The following ITPRID1 variants were observed in gnomAD, a reference collection of about 807,000 sequenced individuals.
The protein encoded by ITPRID1 is protein ITPRID1.
In ITPRID1, 96 loss-of-function variants were observed where a neutral mutation model predicts 95.4. The observed-to-expected ratio is 1.01, with a 90% confidence interval of 0.85 to 1.19. ITPRID1 has a LOEUF of 1.19. Among genes scored for constraint, ITPRID1 ranks in the 50% most tolerant of loss-of-function variants. The pLI is 0.00. For synonymous variants in ITPRID1, 510 were observed against 453.6 expected (o/e 1.12, Z -1.58); for missense variants, 1,339 against 1,252.9 (o/e 1.07, Z -1.04).
intron 10 of ITPRID1, among the ~76,000 whole-genome samples, chr7:31,590,005 G>A (rs1785791817): frequency 1.3e-5 from 2 of 152,032 alleles, no homozygotes; most frequent in African/African-American, 4.8e-5. Flanking sequence ...CAAAAAATGA[G>A]AGGTATAGCA....
intron 12 of ITPRID1, among the ~76,000 whole-genome samples, chr7:31,647,673 CAAAAAAA>C (rs11345351): frequency 4.3e-5 from 3 of 69,358 alleles, no homozygotes; most frequent in Non-Finnish European, 5.5e-5. Flanking sequence ...GTCTCCGTCT[CAAAAAAA>C]AAAAAAAAAA....
At chr7:31,576,313 A>G (rs1785181031) in intron 8 of ITPRID1, among the ~76,000 whole-genome samples, 1 of 152,228 alleles carries the variant, frequency 6.6e-6, no homozygotes. Flanking sequence ...ATGAGAATCA[A>G]TTAGTCCATT....
rs527600522 is a variant in ITPRID1, at chr7:31,556,848, C to G, written c.256+1947C>G. Among the ~76,000 whole-genome samples, 74 of 152,090 alleles carry G rather than the reference C, an allele frequency of 4.9e-4. No homozygotes were observed. The South Asian group carries it at 8.9e-3, about 18-fold the overall frequency. On this transcript the variant is annotated intron_variant, in intron 5 of 14. Transcript: ENST00000615280. Reference sequence around the variant, plus strand: ...TAAGCACCAAGTTCTGTTGTTTTAACAACAGAAATGTATTCTCTCACAGTT... The same window carrying G: ...TAAGCACCAAGTTCTGTTGTTTTAAGAACAGAAATGTATTCTCTCACAGTT...
In ITPRID1 at chr7:31,599,632, TCTTTCTTTCTTTCTTTTTCTTTCTTTC is replaced by T. The variant is rs1562598698; in HGVS notation, c.1228+16448_1228+16474del. Among the ~76,000 whole-genome samples, 71 of 61,148 alleles carry T rather than the reference TCTTTCTTTCTTTCTTTTTCTTTCTTTC, an allele frequency of 1.2e-3. 3 individuals carry two copies. Among genetic ancestry groups the T allele is most frequent in the African/African-American group, 4.1e-3 (69 of 16,908 alleles). The allele number at this position is 61,148 out of a possible 152,430, so 40.1% of individuals were successfully genotyped here. ...TTCTTTCTTTCTTTCTTTCTTTCTT[TCTTTCTTTCTTTCTTTTTCTTTCTTTC>T]CTTTCTCTCTCTCTCTCTCTCTCTC... On this transcript the variant is annotated intron_variant, in intron 10 of 14. Transcript: ENST00000615280.
In ITPRID1 at chr7:31,627,828, T is replaced by C. The variant is rs985876450; in HGVS notation, c.1229-14348T>C. 2.6e-5 allele frequency among the ~76,000 whole-genome samples: 4 copies of C among 152,116 alleles called. No individual in the cohort carries two copies. In the East Asian group the frequency reaches 7.7e-4, roughly 29 times the overall value. On this transcript the variant is annotated intron_variant, in intron 10 of 14. Transcript: ENST00000615280. ...TCCTTTTTATTAAAAAGGAGATTAA[T>C]TGGAATTAAAATGAAAAGATACAAT...
intron 10 of ITPRID1, among the ~76,000 whole-genome samples, chr7:31,602,778 G>A (rs546396899): frequency 2.0e-4 from 31 of 152,164 alleles, no homozygotes; most frequent in African/African-American, 7.0e-4. Context: ...TGGTGTCTGA[G>A]GCTGGGAAGT....
rs750765661 is a variant in ITPRID1, at chr7:31,651,195, G to C, written c.2637G>C (p.Glu879Asp). ...AMKTICQSFREYLEEIEQHLM... is the reference protein window; with the variant it reads ...AMKTICQSFRDYLEEIEQHLM... ...AGACGATATGCCAAAGTTTCCGGGAGTATTTAGAAGAAATTGAACAGCACC... is the reference window on the plus strand; with the variant it reads ...AGACGATATGCCAAAGTTTCCGGGACTATTTAGAAGAAATTGAACAGCACC... Residue 879 changes from glutamate to aspartate, a missense_variant, in exon 13 of 15, where the codon GAG becomes GAC. By Grantham distance (45) the Glu-to-Asp change is conservative. Coordinates refer to ENST00000615280, the MANE Select transcript of ITPRID1 (RefSeq NM_001257967.3). The C allele has an allele frequency of 1.9e-6, 3 of 1,613,540 alleles. No homozygotes were observed. In the African/African-American group the frequency reaches 4.0e-5, roughly 22 times the overall value.
At chr7:31,589,147 T>C (rs1483348686) in intron 10 of ITPRID1, among the ~76,000 whole-genome samples, 1 of 151,894 alleles carries the variant, frequency 6.6e-6, no homozygotes, top group Non-Finnish European at 1.5e-5. Flanking sequence ...TAATAAATAA[T>C]AAAATGGAAA....
chr7:31,577,968 G>A lies in ITPRID1; in HGVS notation c.704G>A (p.Gly235Glu). Residue 235 changes from glycine (G) to glutamate (E), a missense_variant, in exon 9 of 15, where the codon GGA becomes GAA. Transcript: ENST00000615280. ...LPNRAEEKAGGESVQRTSVSA... is the reference protein window; with the variant it reads ...LPNRAEEKAGEESVQRTSVSA... ...AACAGAGCTGAAGAGAAAGCTGGAG[G>A]AGAGAGTGTGCAAAGAACCTCAGTG... 1 of 1,613,734 alleles carries A rather than the reference G, an allele frequency of 6.2e-7. No individual in the cohort carries two copies. The highest frequency in any genetic ancestry group is 1.1e-5 in the South Asian group (1 of 91,036).
At chr7:31,515,284 TAAA>T (rs58554033) in intron 1 of ITPRID1, among the ~76,000 whole-genome samples, 1 of 146,294 alleles carries the variant, frequency 6.8e-6, no homozygotes, top group Admixed American at 6.8e-5. Context: ...CAGCAGTGGT[TAAA>T]AAAAAAAAAA....
At chr7:31,625,678 C>A (rs182447467) in intron 10 of ITPRID1, among the ~76,000 whole-genome samples, 1 of 151,852 alleles carries the variant, frequency 6.6e-6, no homozygotes, top group African/African-American at 2.4e-5. Context: ...TGCTAGATGA[C>A]GAGTTAGTGG....
intron 1 of ITPRID1, among the ~76,000 whole-genome samples, chr7:31,528,897 G>A (rs1299759474): frequency 1.3e-5 from 2 of 152,134 alleles, no homozygotes; most frequent in African/African-American, 4.8e-5. Flanking sequence ...CAAAATGAAG[G>A]ATATTGTTGA....
intron 10 of ITPRID1, among the ~76,000 whole-genome samples, chr7:31,596,612 C>G (rs1419713660): frequency 6.6e-6 from 1 of 151,640 alleles, no homozygotes; most frequent in South Asian, 2.1e-4. Context: ...ACATCATCAA[C>G]TTGACAGATT....
intron 1 of ITPRID1, chr7:31,529,528 A>G (rs1783526355): frequency 2.2e-6 from 1 of 456,712 alleles, no homozygotes; most frequent in South Asian, 5.6e-5. Context: ...TCCTAATGAC[A>G]TTTTTACCAC....
chr7:31,643,803 C>G lies in ITPRID1; in HGVS notation c.2433C>G (p.His811Gln), dbSNP rs1403390146. 2 of 1,613,850 alleles carry G rather than the reference C, an allele frequency of 1.2e-6. No individual in the cohort carries two copies. The highest frequency in any genetic ancestry group is 2.7e-5 in the African/African-American group (2 of 74,946). ...CCCACTGCTGCATCTGCTGTCATCA[C>G]CACCCTCACTGCCACGGGGAGAGGC... is the stretch of plus-strand genomic sequence containing the variant. ...IPAHCCICCH[H>Q]HPHCHGERQS... The change falls in exon 12 of 15, where the codon CAC (histidine) becomes CAG (glutamine). Residue 811 changes from histidine (H) to glutamine (Q), a missense_variant. Physicochemically the swap from His to Gln is conservative, Grantham distance 24. Coordinates refer to ENST00000615280, the MANE Select transcript of ITPRID1 (RefSeq NM_001257967.3).
intron 10 of ITPRID1, among the ~76,000 whole-genome samples, chr7:31,597,480 C>T (rs1173223141): frequency 1.3e-5 from 2 of 149,572 alleles, no homozygotes; most frequent in East Asian, 3.9e-4. Flanking sequence ...ACTGGAAGCA[C>T]ATTAAAGCAG....
chr7:31,614,687 G>T (rs1392871264), intron 10 of ITPRID1, among the ~76,000 whole-genome samples: 2 of 152,156 alleles, frequency 1.3e-5, no homozygotes, highest in East Asian at 3.8e-4. Flanking sequence ...AACAAAATGG[G>T]TTAGTAGAGT....
chr7:31,608,979 T>G (rs1786744431), intron 10 of ITPRID1, among the ~76,000 whole-genome samples: 1 of 151,796 alleles, frequency 6.6e-6, no homozygotes, highest in Non-Finnish European at 1.5e-5. Context: ...ATGTCTTTTA[T>G]AGGTAGAGGA....
intron 10 of ITPRID1, among the ~76,000 whole-genome samples, chr7:31,641,371 C>T (rs1222932800): frequency 6.6e-6 from 1 of 152,190 alleles, no homozygotes; most frequent in Non-Finnish European, 1.5e-5. Context: ...CCTCCCTCTG[C>T]TCCTTGTATT....
Sources: gnomAD v4.1 joint callset for allele counts (sites outside exome capture counted in the v4.1 genomes callset) on GRCh38, gnomAD v4.1.1 for gene constraint, MANE v1.5 for transcripts, NCBI Gene and HGNC (gene_info 2026-07-23, HGNC 2026-07-21) for gene names.